Variants in CADM2 observed in about 807,000 individuals in gnomAD.
CADM2 encodes immunoglobulin superfamily member 4D.
A neutral mutation model predicts 49.8 loss-of-function variants in CADM2; 12 were observed. That is an observed-to-expected ratio of 0.24 (90% confidence interval 0.15 to 0.39). The LOEUF (loss-of-function observed/expected upper bound fraction) is 0.39, where lower values mean the gene tolerates loss of function less well. Among genes scored for constraint, CADM2 ranks in the 10% least tolerant of loss-of-function variants. CADM2 has a pLI of 1.00. For synonymous variants in CADM2, 214 were observed against 175.4 expected (o/e 1.22, Z -1.74); for missense variants, 378 against 492.3 (o/e 0.77, Z 2.20).
intron 1 of CADM2, among the ~76,000 whole-genome samples, chr3:85,005,487 T>G (rs2033674819): frequency 6.6e-6 from 1 of 152,096 alleles, no homozygotes; most frequent in African/African-American, 2.4e-5. Flanking sequence ...TTTCTTTATT[T>G]TGTATTATTA....
intron 1 of CADM2, among the ~76,000 whole-genome samples, chr3:85,003,411 T>A (rs2033570348): frequency 6.6e-6 from 1 of 152,120 alleles, no homozygotes; most frequent in Non-Finnish European, 1.5e-5. Flanking sequence ...AGAAATTCTA[T>A]GAAAAAGCTA....
At chr3:85,155,495 A>G (rs1392932345) in intron 1 of CADM2, among the ~76,000 whole-genome samples, 1 of 152,072 alleles carries the variant, frequency 6.6e-6, no homozygotes, top group Non-Finnish European at 1.5e-5. Context: ...ATAATGGGAG[A>G]CTTTAACACC....
chr3:85,027,816 C>G (rs142241442), intron 1 of CADM2, among the ~76,000 whole-genome samples: 2 of 152,094 alleles, frequency 1.3e-5, no homozygotes, highest in African/African-American at 2.4e-5. Context: ...CCAATAGTTA[C>G]GCAGCCTGTT....
intron 1 of CADM2, among the ~76,000 whole-genome samples, chr3:85,686,993 AC>A (rs1161773172): frequency 1.3e-5 from 2 of 152,104 alleles, no homozygotes; most frequent in Non-Finnish European, 2.9e-5. Flanking sequence ...TGTGTTCAGG[AC>A]CTCTTGAGGC....
chr3:85,866,337 T>C (rs1303838514), intron 3 of CADM2, among the ~76,000 whole-genome samples: 7 of 152,164 alleles, frequency 4.6e-5, no homozygotes, highest in Admixed American at 4.6e-4. Flanking sequence ...TTTCTTTTAT[T>C]GGAGCTAATT....
chr3:85,872,946 A>G (rs1457555418), intron 3 of CADM2, among the ~76,000 whole-genome samples: 1 of 152,182 alleles, frequency 6.6e-6, no homozygotes, highest in African/African-American at 2.4e-5. Context: ...TGTTGCTATA[A>G]CAAAATACCA....
At chr3:85,330,173 C>T (rs957156403) in intron 1 of CADM2, among the ~76,000 whole-genome samples, 1 of 152,124 alleles carries the variant, frequency 6.6e-6, no homozygotes, top group African/African-American at 2.4e-5. Flanking sequence ...ACAAGAGTCT[C>T]CTCATCACCT....
rs907294149 is a variant in CADM2 at position 86,046,596 on chromosome 3, C to T, written c.971-19009C>T. Among the ~76,000 whole-genome samples the T allele has an allele frequency of 4.6e-5, 7 of 152,022 alleles. No homozygotes were observed. The South Asian group carries it at 6.2e-4, about 14-fold the overall frequency. ...CATCCTATGAGGAACAGGGCAGCAC[C>T]GCACAGTAAAAAATCACCAAGCTCA... is the stretch of plus-strand genomic sequence containing the variant. On this transcript the variant is annotated intron_variant, in intron 8 of 9. Coordinates refer to ENST00000383699, the MANE Select transcript of CADM2 (RefSeq NM_001167675.2).
chr3:85,596,264 A>C (rs1287043529), intron 1 of CADM2, among the ~76,000 whole-genome samples: 1 of 151,896 alleles, frequency 6.6e-6, no homozygotes, highest in East Asian at 1.9e-4. Flanking sequence ...ACCTTAGTTT[A>C]TCTCTAAGGG....
chr3:85,063,730 A>T (rs1046271961), intron 1 of CADM2, among the ~76,000 whole-genome samples: 5 of 152,042 alleles, frequency 3.3e-5, no homozygotes, highest in Non-Finnish European at 7.4e-5. Flanking sequence ...TGGAGTAAAA[A>T]TTTTTTGAAC....
At chr3:85,330,967 T>C (rs1321379134) in intron 1 of CADM2, among the ~76,000 whole-genome samples, 2 of 152,004 alleles carry the variant, frequency 1.3e-5, no homozygotes, top group African/African-American at 2.4e-5. Flanking sequence ...GTCTCAAAAA[T>C]AATAACAATC....
chr3:85,502,613 A>C (rs191880447), intron 1 of CADM2, among the ~76,000 whole-genome samples: 1 of 152,186 alleles, frequency 6.6e-6, no homozygotes, highest in Non-Finnish European at 1.5e-5. Context: ...GAGTGACAGC[A>C]GATTTTTAAG....
intron 1 of CADM2, among the ~76,000 whole-genome samples, chr3:85,295,664 A>T (rs1250473032): frequency 5.9e-5 from 9 of 152,250 alleles, no homozygotes; most frequent in Admixed American, 4.6e-4. Flanking sequence ...ATTGGAAATC[A>T]TCATTCTCAG....
At chr3:86,053,714 C>T (rs1027043882) in intron 8 of CADM2, among the ~76,000 whole-genome samples, 10 of 151,806 alleles carry the variant, frequency 6.6e-5, no homozygotes, top group African/African-American at 2.4e-4. Flanking sequence ...CAGTTAGGAG[C>T]TTGGACAATA....
At chr3:85,282,613 T>C (rs1576275798) in intron 1 of CADM2, among the ~76,000 whole-genome samples, 1 of 151,992 alleles carries the variant, frequency 6.6e-6, no homozygotes, top group Admixed American at 6.6e-5. Flanking sequence ...TTATATAGAT[T>C]TCGAGAGAAT....
At chr3:84,979,941 A>G (rs1020858977) in intron 1 of CADM2, among the ~76,000 whole-genome samples, 2 of 152,194 alleles carry the variant, frequency 1.3e-5, no homozygotes, top group African/African-American at 2.4e-5. Flanking sequence ...CAGTTTGCAC[A>G]TGTAACTAAT....
At chr3:85,528,056 T>A (rs188940753) in intron 1 of CADM2, among the ~76,000 whole-genome samples, 1 of 152,188 alleles carries the variant, frequency 6.6e-6, no homozygotes, top group African/African-American at 2.4e-5. Flanking sequence ...GGGACAAAGA[T>A]CACTTTTGCC....
chr3:85,452,246 C>A (rs569118008), intron 1 of CADM2, among the ~76,000 whole-genome samples: 7 of 152,098 alleles, frequency 4.6e-5, no homozygotes, highest in Non-Finnish European at 8.8e-5. Context: ...ATTCTTTGCC[C>A]AAATTGTCAT....
intron 1 of CADM2, among the ~76,000 whole-genome samples, chr3:85,526,804 C>CTATCA (rs964365389): frequency 1.3e-5 from 2 of 152,056 alleles, no homozygotes; most frequent in Admixed American, 6.6e-5. Flanking sequence ...ATAATTTACC[C>CTATCA]TATCAAAACT....
Sources: allele counts gnomAD v4.1 joint callset (sites outside exome capture counted in the v4.1 genomes callset), GRCh38; gene constraint gnomAD v4.1.1; transcripts MANE v1.5; gene names NCBI Gene and HGNC (gene_info 2026-07-23, HGNC 2026-07-21).